Variants in RNGTT observed in about 807,000 individuals in gnomAD.
The protein encoded by RNGTT is RNA guanylyltransferase and 5'-phosphatase.
Under a neutral mutation model 79.3 loss-of-function variants are expected in RNGTT, and 33 were observed. The ratio of observed to expected loss-of-function variants is 0.42; its 90% CI spans 0.32 to 0.56. The LOEUF is 0.56. Among genes scored for constraint, RNGTT ranks in the 20% least tolerant of loss-of-function variants. The pLI is 0.17. For missense variants in RNGTT, 497 were observed against 739.1 expected, an observed-to-expected ratio of 0.67 and a Z score of 3.80; for synonymous variants, 222 against 235.9, an observed-to-expected ratio of 0.94 and a Z score of 0.54.
At chr6:88,636,593 A>G (rs377424207) in intron 14 of RNGTT, among the ~76,000 whole-genome samples, 69 of 152,152 alleles carry the variant, frequency 4.5e-4, no homozygotes, top group African/African-American at 1.6e-3. Context: ...TTTAAGGTCA[A>G]ATAATTATTA....
At position 88,858,433 on chromosome 6, in the gene RNGTT, A is replaced by G. The variant is rs977618016; in HGVS notation, c.897-4669T>C. ...TTAGAACAGTGAAGAAGAAGCTATT[A>G]CAGGAGCCTACAAAGGTAGAGCCTG... On this transcript the variant is annotated intron_variant, in intron 8 of 15. Coordinates refer to ENST00000369485, the MANE Select transcript of RNGTT (RefSeq NM_003800.5). 2.6e-5 allele frequency among the ~76,000 whole-genome samples: 4 copies of G among 152,196 alleles called. No homozygotes were observed. The South Asian group carries it at 8.3e-4, about 31-fold the overall frequency.
intron 8 of RNGTT, among the ~76,000 whole-genome samples, chr6:88,875,483 A>C (rs1415722360): frequency 6.6e-6 from 1 of 152,168 alleles, no homozygotes; most frequent in African/African-American, 2.4e-5. Flanking sequence ...AGCATAAAAC[A>C]GTAAAAATAA....
intron 13 of RNGTT, among the ~76,000 whole-genome samples, chr6:88,698,180 T>TC (rs1775782067): frequency 2.7e-5 from 3 of 111,722 alleles, no homozygotes; most frequent in African/African-American, 1.2e-4. Context: ...ATATATATGA[T>TC]ATATATATGA....
chr6:88,954,215 C>G (rs922438679), intron 1 of RNGTT, among the ~76,000 whole-genome samples: 1 of 152,120 alleles, frequency 6.6e-6, no homozygotes, highest in Non-Finnish European at 1.5e-5. Flanking sequence ...AACCCACAAA[C>G]CAAGTATCTG....
intron 4 of RNGTT, among the ~76,000 whole-genome samples, chr6:88,926,335 A>C (rs1784317855): frequency 6.6e-6 from 1 of 152,018 alleles, no homozygotes; most frequent in Non-Finnish European, 1.5e-5. Context: ...TGTTTTTCAA[A>C]TTTTTCTTGC....
chr6:88,682,771 A>G (rs1290097852), intron 13 of RNGTT, among the ~76,000 whole-genome samples: 4 of 152,120 alleles, frequency 2.6e-5, no homozygotes, highest in Admixed American at 2.6e-4. Flanking sequence ...CAAATTTTGA[A>G]CAAATAAAAT....
chr6:88,879,425 C>T (rs531084434), intron 8 of RNGTT, among the ~76,000 whole-genome samples: 1 of 152,062 alleles, frequency 6.6e-6, no homozygotes, highest in African/African-American at 2.4e-5. Flanking sequence ...ACTGTTACAG[C>T]AGCAAATACA....
At chr6:88,635,168 T>C (rs981129754) in intron 14 of RNGTT, among the ~76,000 whole-genome samples, 9 of 152,226 alleles carry the variant, frequency 5.9e-5, no homozygotes, top group South Asian at 4.1e-4. Flanking sequence ...TTCCTTTGTA[T>C]TGTTTTCTGT....
chr6:88,730,988 AAG>A (rs890963023), intron 13 of RNGTT, among the ~76,000 whole-genome samples: 4 of 152,152 alleles, frequency 2.6e-5, no homozygotes, highest in Non-Finnish European at 1.5e-5. Context: ...AGCCTCCTAA[AAG>A]ACTGATATTT....
At chr6:88,759,052 A>G (rs1778117773) in intron 13 of RNGTT, among the ~76,000 whole-genome samples, 1 of 152,182 alleles carries the variant, frequency 6.6e-6, no homozygotes, top group African/African-American at 2.4e-5. Flanking sequence ...CAAATCCAGG[A>G]CTCAGAACAT....
chr6:88,838,063 C>A (rs9342169), intron 11 of RNGTT, among the ~76,000 whole-genome samples: 1 of 151,970 alleles, frequency 6.6e-6, no homozygotes, highest in Non-Finnish European at 1.5e-5. Context: ...TAAGAGAGTT[C>A]GATAAATAAG....
intron 8 of RNGTT, among the ~76,000 whole-genome samples, chr6:88,874,107 A>G (rs1327711472): frequency 1.3e-5 from 2 of 152,146 alleles, no homozygotes; most frequent in Non-Finnish European, 2.9e-5. Flanking sequence ...CAGTGTCTTC[A>G]TTAGACTTCA....
intron 4 of RNGTT, among the ~76,000 whole-genome samples, chr6:88,914,978 A>G (rs540072873): frequency 7.2e-5 from 11 of 152,300 alleles, no homozygotes; most frequent in African/African-American, 2.4e-4. Context: ...ACAGACAGTT[A>G]TCAAAAGAGG....
At chr6:88,708,729 C>T (rs1776224697) in intron 13 of RNGTT, among the ~76,000 whole-genome samples, 1 of 152,040 alleles carries the variant, frequency 6.6e-6, no homozygotes, top group South Asian at 2.1e-4. Context: ...TTTCTGCCTT[C>T]TAAAAATGGC....
chr6:88,899,132 G>A (rs1357966210), intron 6 of RNGTT, among the ~76,000 whole-genome samples: 1 of 151,406 alleles, frequency 6.6e-6, no homozygotes, highest in Non-Finnish European at 1.5e-5. Context: ...CTACCAAAAG[G>A]CATAAGGTTT....
chr6:88,674,990 C>T (rs539226195), intron 14 of RNGTT, among the ~76,000 whole-genome samples: 8 of 151,700 alleles, frequency 5.3e-5, no homozygotes, highest in Non-Finnish European at 1.0e-4. Context: ...CTCAGCTACT[C>T]GGGAGGCTGA....
At chr6:88,631,749 T>C (rs1772897138) in intron 14 of RNGTT, among the ~76,000 whole-genome samples, 1 of 152,172 alleles carries the variant, frequency 6.6e-6, no homozygotes, top group Non-Finnish European at 1.5e-5. Context: ...CATATACTTT[T>C]GGATGGAGGT....
chr6:88,755,929 C>T (rs1582421252), intron 13 of RNGTT, among the ~76,000 whole-genome samples: 2 of 129,402 alleles, frequency 1.5e-5, no homozygotes, highest in Non-Finnish European at 3.1e-5. Flanking sequence ...CACTGCACTC[C>T]AGCCTGGCCA....
At chr6:88,667,378 C>T (rs1774456982) in intron 14 of RNGTT, among the ~76,000 whole-genome samples, 1 of 152,224 alleles carries the variant, frequency 6.6e-6, no homozygotes, top group South Asian at 2.1e-4. Context: ...GGCACTTCTA[C>T]ATTTCATGTC....
Sources: allele counts gnomAD v4.1 joint callset (sites outside exome capture counted in the v4.1 genomes callset), GRCh38; gene constraint gnomAD v4.1.1; transcripts MANE v1.5; gene names NCBI Gene and HGNC (gene_info 2026-07-23, HGNC 2026-07-21).